The following PUDP variants were observed in gnomAD, a reference collection of about 807,000 sequenced individuals.
PUDP encodes the protein pseudouridine 5'-phosphatase, also known as pseudouridine-5'-phosphatase.
A neutral mutation model predicts 9.4 loss-of-function variants in PUDP; 8 were observed. The observed-to-expected ratio is 0.85, with a 90% confidence interval of 0.50 to 1.53. The LOEUF is 1.53. PUDP is among the 40% of genes most tolerant of loss of function. The probability of loss-of-function intolerance (pLI) is 0.00; values close to 1 mark genes in which losing one functional copy is unlikely to be tolerated. For synonymous variants in PUDP, 99 were observed against 80.7 expected, an observed-to-expected ratio of 1.23 and a Z score of -1.22; for missense variants, 188 against 189.7, an observed-to-expected ratio of 0.99 and a Z score of 0.05.
chrX:7,047,746 C>T (rs1259916950), downstream of PUDP, among the ~76,000 whole-genome samples: 1 of 112,452 alleles, frequency 8.9e-6, no homozygotes, highest in Non-Finnish European at 1.9e-5. Context: ...GAGCTTTAGC[C>T]GACTGCTTGT....
intron 3 of PUDP, among the ~76,000 whole-genome samples, chrX:6,961,165 C>T (rs747407937): frequency 4.1e-4 from 46 of 111,318 alleles, no homozygotes; most frequent in Middle Eastern, 4.7e-3. Flanking sequence ...TTTGGGAGGA[C>T]GAGGTAGGTG....
At chrX:6,755,079 G>A (rs1384997318) in intron 3 of PUDP, among the ~76,000 whole-genome samples, 2 of 111,709 alleles carry the variant, frequency 1.8e-5, no homozygotes, top group African/African-American at 6.5e-5. Flanking sequence ...TGTCCCTTCT[G>A]GAGATAATAT....
chrX:7,023,030 G>T (rs1255655908), intron 1 of PUDP, among the ~76,000 whole-genome samples: 1 of 111,373 alleles, frequency 9.0e-6, no homozygotes. Context: ...CACAGGGCTG[G>T]AAAGAGTGCC....
At chrX:6,815,120 G>A (rs754255203) in intron 3 of PUDP, among the ~76,000 whole-genome samples, 2 of 107,443 alleles carry the variant, frequency 1.9e-5, no homozygotes, top group Non-Finnish European at 3.8e-5. Context: ...CCAATGCTTG[G>A]GGGAAAAATC....
intron 3 of PUDP, among the ~76,000 whole-genome samples, chrX:6,761,511 T>A (rs989604976): frequency 8.9e-6 from 1 of 112,514 alleles, no homozygotes; most frequent in Non-Finnish European, 1.9e-5. Flanking sequence ...CCTATCTTCC[T>A]TCATTAATTA....
At chrX:6,747,395 A>G (rs1218995350) in intron 3 of PUDP, among the ~76,000 whole-genome samples, 1 of 112,123 alleles carries the variant, frequency 8.9e-6, no homozygotes, top group Admixed American at 9.4e-5. Flanking sequence ...ACCCTTGTCA[A>G]TATTAAAAAT....
chrX:6,841,915 G>T (rs1431967423), intron 3 of PUDP, among the ~76,000 whole-genome samples: 1 of 110,772 alleles, frequency 9.0e-6, no homozygotes, highest in African/African-American at 3.3e-5. Context: ...GTGTGGGGGG[G>T]GTTATGTGTG....
chrX:6,968,715 G>A (rs1928824555), intron 3 of PUDP, among the ~76,000 whole-genome samples: 1 of 110,051 alleles, frequency 9.1e-6, no homozygotes, highest in Admixed American at 9.6e-5. Flanking sequence ...CACCTCCCCA[G>A]TTCAAGGAAT....
At chrX:6,756,018 T>A (rs1421542419) in intron 3 of PUDP, among the ~76,000 whole-genome samples, 1 of 111,227 alleles carries the variant, frequency 9.0e-6, no homozygotes, top group East Asian at 2.8e-4. Flanking sequence ...TAAAGAAGTA[T>A]TGTAAAGCCC....
chrX:7,111,889 G>T lies in PUDP; in HGVS notation c.62-6051C>A, dbSNP rs537356085. On this transcript the variant is annotated intron_variant, in intron 1 of 3. Coordinates refer to ENST00000381077, the MANE Select transcript of PUDP (RefSeq NM_012080.5). ...GCTTTTGTTAACCGTGAGTTATAGGGAATTGACAAGATCTGCTGTCTCCCT... is the reference window on the plus strand; with the variant it reads ...GCTTTTGTTAACCGTGAGTTATAGGTAATTGACAAGATCTGCTGTCTCCCT... 3.6e-5 allele frequency among the ~76,000 whole-genome samples: 4 copies of T among 110,663 alleles called. No homozygotes were observed. The South Asian group carries it at 1.6e-3, about 43-fold the overall frequency.
chrX:6,932,653 G>A (rs1446030023), intron 3 of PUDP, among the ~76,000 whole-genome samples: 2 of 111,831 alleles, frequency 1.8e-5, no homozygotes, highest in African/African-American at 3.2e-5. Context: ...TGCGCGAGCC[G>A]AAGCAGGGCG....
In PUDP at chrX:6,928,616, A is replaced by G. The variant is rs774721450; in HGVS notation, c.*247+48517T>C. Among the ~76,000 whole-genome samples the G allele has an allele frequency of 2.7e-5, 3 of 112,336 alleles. No individual in the cohort carries two copies. The South Asian group carries it at 1.1e-3, about 41-fold the overall frequency. The stretch of plus-strand genomic sequence containing the variant: ...ACACCTTCAAAATGATGTACTATAA[A>G]TGACTTAGCACTTCCTAATATTGAC... On this transcript the variant is annotated intron_variant and NMD_transcript_variant, in intron 3 of 3. Coordinates refer to the PUDP transcript ENST00000655425.
intron 3 of PUDP, among the ~76,000 whole-genome samples, chrX:6,855,585 A>G (rs753280842): frequency 2.7e-5 from 3 of 112,000 alleles, no homozygotes; most frequent in African/African-American, 6.5e-5. Flanking sequence ...ATTCAATTCA[A>G]ACATCACTTT....
At chrX:7,007,607 C>T (rs1472028151) in intron 1 of PUDP, among the ~76,000 whole-genome samples, 1 of 112,464 alleles carries the variant, frequency 8.9e-6, no homozygotes, top group Non-Finnish European at 1.9e-5. Context: ...TGCCACTTTG[C>T]TACCTCTCCC....
chrX:6,969,322 T>C (rs1928835797), intron 3 of PUDP, among the ~76,000 whole-genome samples: 1 of 112,097 alleles, frequency 8.9e-6, no homozygotes, highest in African/African-American at 3.2e-5. Flanking sequence ...ACCCAAGCCA[T>C]AGGTGTCCTC....
intron 3 of PUDP, among the ~76,000 whole-genome samples, chrX:6,944,761 C>A (rs1928441782): frequency 9.0e-6 from 1 of 111,387 alleles, no homozygotes; most frequent in Non-Finnish European, 1.9e-5. Context: ...ATGTAGACCT[C>A]AGACAAGGGG....
intron 1 of PUDP, among the ~76,000 whole-genome samples, chrX:7,029,455 A>G (rs1226896119): frequency 8.9e-6 from 1 of 112,444 alleles, no homozygotes; most frequent in Admixed American, 9.4e-5. Context: ...AGTAATAGAG[A>G]CTTCCCAGGC....
intron 1 of PUDP, among the ~76,000 whole-genome samples, chrX:6,715,100 C>A (rs1189766595): frequency 9.1e-6 from 1 of 110,470 alleles, no homozygotes; most frequent in Non-Finnish European, 1.9e-5. Flanking sequence ...TATGTATACA[C>A]ACATATTTTT....
chrX:6,901,718 A>G (rs910746892), intron 3 of PUDP, among the ~76,000 whole-genome samples: 9 of 112,901 alleles, frequency 8.0e-5, no homozygotes, highest in Non-Finnish European at 1.3e-4. Context: ...ATATCTAAAT[A>G]TAAGAGGAAA....
Sources: allele counts gnomAD v4.1 joint callset (sites outside exome capture counted in the v4.1 genomes callset), GRCh38; gene constraint gnomAD v4.1.1; transcripts MANE v1.5; gene names NCBI Gene and HGNC (gene_info 2026-07-23, HGNC 2026-07-21).